Variants in SESN2 observed in about 807,000 individuals in gnomAD.
SESN2 encodes sestrin 2.
Under a neutral mutation model 56.0 loss-of-function variants are expected in SESN2, and 42 were observed. That is an observed-to-expected ratio of 0.75 (90% CI 0.59 to 0.97). The LOEUF is 0.97. SESN2 is among the 50% of genes least tolerant of loss of function. The pLI, the probability that SESN2 is intolerant of heterozygous loss-of-function variation, is 0.00. For missense variants in SESN2, 507 were observed against 649.4 expected, an observed-to-expected ratio of 0.78 and a Z score of 2.38; for synonymous variants, 264 against 267.1, an observed-to-expected ratio of 0.99 and a Z score of 0.11.
chr1:28,274,524 G>A (rs1400409437), intron 7 of SESN2, among the ~76,000 whole-genome samples: 5 of 149,726 alleles, frequency 3.3e-5, no homozygotes, highest in Non-Finnish European at 7.4e-5. Context: ...GCAAGATCCT[G>A]TCTCAAAAAA....
rs753260321 is a variant in SESN2 at position 28,271,744 on chromosome 1, T to C, written c.227T>C (p.Val76Ala). 2.5e-6 allele frequency: 4 copies of C among 1,613,984 alleles called. No homozygotes were observed. Among genetic ancestry groups the C allele is most frequent in the African/African-American group, 1.3e-5 (1 of 74,872 alleles). Residue 76 changes from valine (V) to alanine (A), a missense_variant, in exon 3 of 10, where the codon GTA (valine) becomes GCA (alanine). By Grantham distance (64) the Val-to-Ala change is moderately conservative. Transcript: ENST00000253063. ...GLEALMSSGR[V>A]DNLAVVMGLH... ...GAGGCACTGATGTCCTCTGGGCGAG[T>C]AGACAACCTGGCAGTGGTGATGGGC...
intron 1 of SESN2, among the ~76,000 whole-genome samples, chr1:28,264,306 G>A (rs190400214): frequency 1.9e-4 from 29 of 151,860 alleles, no homozygotes; most frequent in Non-Finnish European, 3.4e-4. Context: ...GTGACAGAGC[G>A]AGACTCCATC....
chr1:28,275,320 A>C (rs1361826156), intron 8 of SESN2, among the ~76,000 whole-genome samples: 1 of 151,180 alleles, frequency 6.6e-6, no homozygotes, highest in Admixed American at 6.6e-5. Flanking sequence ...CACACACACT[A>C]TATATATATG....
chr1:28,270,344 C>CCG (rs1461487515), intron 2 of SESN2, among the ~76,000 whole-genome samples: 7 of 150,394 alleles, frequency 4.7e-5, no homozygotes, highest in Non-Finnish European at 5.9e-5. Flanking sequence ...GAGTGAGACT[C>CCG]CGTCTCAAAA....
Position 28,273,574 on chromosome 1 carries a change from AG to A in SESN2, c.901+67del, listed in dbSNP as rs1647876442. ...TCTTAGGCTATCTCTGGTGAGGAGG[AG>A]CCACCTCCTGCATTCCAGAGGCAGC... On this transcript the variant is annotated intron_variant, in intron 6 of 9. Transcript: ENST00000253063. 3 of 1,385,656 alleles carry A rather than the reference AG, an allele frequency of 2.2e-6. No individual in the cohort carries two copies. The South Asian group carries it at 4.5e-5, about 21-fold the overall frequency. The allele number at this position is 1,385,656 out of a possible 1,614,324, so 85.8% of individuals were successfully genotyped here.
At chr1:28,279,035 CG>C (rs1442544881) in intron 8 of SESN2, 61 bp from the exon 9 acceptor site, 8 of 1,558,380 alleles carry the variant, frequency 5.1e-6, no homozygotes, top group African/African-American at 4.1e-5. Context: ...GGTGGGGTTG[CG>C]GGGAGGGAGC....
rs1196324295 is a variant in SESN2 at position 28,271,850 on chromosome 1, G to A, written c.333G>A (p.Trp111Ter). 6.2e-7 allele frequency: 1 copy of A among 1,614,096 alleles called. No individual in the cohort carries two copies. The highest frequency in any genetic ancestry group is 1.7e-5 in the Admixed American group (1 of 60,006). ...LHTDGPLASS[W>*]RHYIAIMAAA... is the part of the protein sequence containing the mutation. ...CGGATGGTCCCTTGGCCAGCTCCTG[G>A]CGCCACTACATTGCCATCATGGTGA... is the stretch of plus-strand genomic sequence containing the variant. The change falls in exon 3 of 10, where the codon TGG becomes TGA. Residue 111 changes from tryptophan to a stop codon, truncating the protein, a stop_gained. Transcript: ENST00000253063. LOFTEE classifies it high-confidence loss of function.
At chr1:28,280,026 T>TA (rs1452565611) in intron 9 of SESN2, among the ~76,000 whole-genome samples, 2 of 151,796 alleles carry the variant, frequency 1.3e-5, no homozygotes, top group African/African-American at 4.8e-5. Flanking sequence ...CTAGTAGAGA[T>TA]AAGGTCTCAC....
At chr1:28,279,283 C>T (rs755040259) in intron 9 of SESN2, 42 bp downstream of exon 9, 1 of 1,609,290 alleles carries the variant, frequency 6.2e-7, no homozygotes, top group Non-Finnish European at 8.5e-7. Flanking sequence ...GTAGACAGGC[C>T]AAGCCAGTGG....
chr1:28,269,390 A>G, intron 2 of SESN2, 142 bp downstream of exon 2: 1 of 524,056 alleles, frequency 1.9e-6, no homozygotes, highest in Non-Finnish European at 3.3e-6. Flanking sequence ...AATTCACAAA[A>G]CGGCTTTGTG....
intron 1 of SESN2, among the ~76,000 whole-genome samples, chr1:28,267,789 C>T (rs1647609540): frequency 6.6e-6 from 1 of 152,140 alleles, no homozygotes; most frequent in South Asian, 2.1e-4. Context: ...AACAGTTGCT[C>T]CCATCAGCCT....
At chr1:28,273,998 C>T in intron 6 of SESN2, 42 bp from the exon 7 acceptor site, 2 of 1,276,052 alleles carry the variant, frequency 1.6e-6, no homozygotes, top group Middle Eastern at 1.8e-4. Context: ...CCCCTGCATG[C>T]CCCATGCCTC....
At chr1:28,267,093 C>T (rs1364530207) in intron 1 of SESN2, among the ~76,000 whole-genome samples, 1 of 152,136 alleles carries the variant, frequency 6.6e-6, no homozygotes, top group Non-Finnish European at 1.5e-5. Context: ...TCCTCAGGTC[C>T]CCTGAGGTGG....
Position 28,281,092 on chromosome 1 carries a change from A to G in SESN2, c.*290A>G. The G allele has an allele frequency of 2.9e-6, 1 of 341,272 alleles. No individual in the cohort carries two copies. The highest frequency in any genetic ancestry group is 5.1e-5 in the East Asian group (1 of 19,586). The allele number at this position is 341,272 out of a possible 1,614,324, so 21.1% of individuals were successfully genotyped here. On this transcript the variant is annotated 3_prime_UTR_variant, in exon 10 of 10. Coordinates refer to ENST00000253063, the MANE Select transcript of SESN2 (RefSeq NM_031459.5). Reference sequence around the variant, plus strand: ...CCCACAGAGGCAGAGGGCACAGGAAAGAAGCCGGGCCAAGCTCGGAATTAA... The same window carrying G: ...CCCACAGAGGCAGAGGGCACAGGAAGGAAGCCGGGCCAAGCTCGGAATTAA...
At chr1:28,280,289 C>T (rs1648188530) in intron 9 of SESN2, among the ~76,000 whole-genome samples, 1 of 152,208 alleles carries the variant, frequency 6.6e-6, no homozygotes. Flanking sequence ...CCTCTGCAAC[C>T]TCTGTCTCCC....
intron 1 of SESN2, among the ~76,000 whole-genome samples, chr1:28,263,588 A>C (rs1647457072): frequency 6.6e-6 from 1 of 152,178 alleles, no homozygotes; most frequent in South Asian, 2.1e-4. Flanking sequence ...GGCTCTATAA[A>C]GGATAATATA....
At position 28,279,096 on chromosome 1, in the gene SESN2, G is replaced by A. The variant is rs1648145789; in HGVS notation, c.1212-1G>A. The A allele has an allele frequency of 3.7e-6, 6 of 1,614,142 alleles. No individual in the cohort carries two copies. Among genetic ancestry groups the A allele is most frequent in the Non-Finnish European group, 2.5e-6 (3 of 1,180,012 alleles). ...AATGCTGCTGGGACCTTTCCATCCA[G>A]ATATGATGACTATGATTATGGGGAG... On this transcript the variant is annotated splice_acceptor_variant, in intron 8 of 9. Coordinates refer to ENST00000253063, the MANE Select transcript of SESN2 (RefSeq NM_031459.5). LOFTEE classifies it high-confidence loss of function.
chr1:28,279,238 G>A lies in SESN2; in HGVS notation c.1353G>A (p.Glu451=), dbSNP rs1320276061. The change falls in exon 9 of 10, where the codon GAG becomes GAA. Residue 451 remains glutamate (E), a synonymous_variant. Coordinates refer to ENST00000253063, the MANE Select transcript of SESN2 (RefSeq NM_031459.5). ...NLFWRHFRHS[E]KVHVNLLLLE... Reference sequence around the variant, plus strand: ...TCTGGAGGCACTTCCGCCACTCAGAGAAGGTATGACCTATACAGGCAGGGC... The same window carrying A: ...TCTGGAGGCACTTCCGCCACTCAGAAAAGGTATGACCTATACAGGCAGGGC... The A allele has an allele frequency of 2.5e-6, 4 of 1,614,078 alleles. No homozygotes were observed. Among genetic ancestry groups the A allele is most frequent in the Non-Finnish European group, 3.4e-6 (4 of 1,180,034 alleles).
intron 1 of SESN2, among the ~76,000 whole-genome samples, chr1:28,268,302 C>G (rs1158064795): frequency 6.6e-6 from 1 of 151,958 alleles, no homozygotes; most frequent in Non-Finnish European, 1.5e-5. Flanking sequence ...AATCCCAGTG[C>G]TTTGGGAGGC....
Sources: gnomAD v4.1 joint callset for allele counts (sites outside exome capture counted in the v4.1 genomes callset) on GRCh38, gnomAD v4.1.1 for gene constraint, MANE v1.5 for transcripts, NCBI Gene and HGNC (gene_info 2026-07-23, HGNC 2026-07-21) for gene names.